MARCHF1: variants seen among roughly 807,000 people sequenced by gnomAD.
MARCHF1 encodes membrane associated ring-CH-type finger 1, also known as E3 ubiquitin-protein ligase MARCHF1.
MARCHF1 carries 40 observed loss-of-function variants against 54.2 expected under a neutral mutation model. That is an observed-to-expected ratio of 0.74 (90% CI 0.57 to 0.96). The LOEUF (loss-of-function observed/expected upper bound fraction) is 0.96, where lower values mean the gene tolerates loss of function less well. MARCHF1 is among the 40% of genes least tolerant of loss of function. The pLI is 0.00. For synonymous variants in MARCHF1, 236 were observed against 236.3 expected, an observed-to-expected ratio of 1.00 and a Z score of 0.01; for missense variants, 586 against 656.5, an observed-to-expected ratio of 0.89 and a Z score of 1.17.
intron 4 of MARCHF1, among the ~76,000 whole-genome samples, chr4:163,705,471 A>G (rs907672408): frequency 5.9e-5 from 9 of 151,964 alleles, no homozygotes; most frequent in African/African-American, 2.2e-4. Context: ...GTGTATCACT[A>G]AAATTCCCAA....
At chr4:163,674,201 C>T (rs953337518) in intron 5 of MARCHF1, among the ~76,000 whole-genome samples, 3 of 152,014 alleles carry the variant, frequency 2.0e-5, no homozygotes, top group African/African-American at 7.3e-5. Context: ...AAGCAAAATG[C>T]AAACAACAAG....
At chr4:164,268,520 T>C (rs1392241187) in intron 1 of MARCHF1, among the ~76,000 whole-genome samples, 1 of 152,142 alleles carries the variant, frequency 6.6e-6, no homozygotes, top group Non-Finnish European at 1.5e-5. Flanking sequence ...TCCTATAAGC[T>C]TGGGTTCTGT....
intron 3 of MARCHF1, among the ~76,000 whole-genome samples, chr4:163,925,053 T>C (rs1323578918): frequency 6.6e-6 from 1 of 151,734 alleles, no homozygotes; most frequent in Non-Finnish European, 1.5e-5. Flanking sequence ...TTTCCAATGG[T>C]TTTGAATTTG....
At chr4:163,674,047 G>A (rs1208110327) in intron 5 of MARCHF1, among the ~76,000 whole-genome samples, 1 of 152,100 alleles carries the variant, frequency 6.6e-6, no homozygotes, top group Non-Finnish European at 1.5e-5. Context: ...GTAGAAGGAG[G>A]CCCCTAGTGA....
chr4:163,706,585 A>G (rs1480141763), intron 4 of MARCHF1, among the ~76,000 whole-genome samples: 1 of 152,036 alleles, frequency 6.6e-6, no homozygotes, highest in East Asian at 1.9e-4. Flanking sequence ...AATATTACTG[A>G]GGAGTATAAA....
intron 4 of MARCHF1, among the ~76,000 whole-genome samples, chr4:163,813,996 G>T (rs1006470834): frequency 2.0e-5 from 3 of 152,144 alleles, no homozygotes; most frequent in Non-Finnish European, 4.4e-5. Context: ...AGAATCCAGG[G>T]CTCAGGTCAT....
At chr4:163,643,099 T>C (rs1349316150) in intron 5 of MARCHF1, among the ~76,000 whole-genome samples, 1 of 149,378 alleles carries the variant, frequency 6.7e-6, no homozygotes, top group Non-Finnish European at 1.5e-5. Flanking sequence ...GATCATTTCA[T>C]GTCAGGCATT....
intron 5 of MARCHF1, among the ~76,000 whole-genome samples, chr4:163,665,108 A>G (rs1412366672): frequency 6.6e-6 from 1 of 152,084 alleles, no homozygotes; most frequent in African/African-American, 2.4e-5. Flanking sequence ...ACTGGACACA[A>G]TGCTATGGCT....
intron 1 of MARCHF1, among the ~76,000 whole-genome samples, chr4:164,166,943 T>G (rs1187228604): frequency 1.3e-5 from 2 of 151,388 alleles, no homozygotes; most frequent in Non-Finnish European, 3.0e-5. Context: ...GAAAGATTTA[T>G]AAATCTTTAT....
At chr4:163,938,888 T>C (rs755459203) in intron 3 of MARCHF1, among the ~76,000 whole-genome samples, 1 of 151,968 alleles carries the variant, frequency 6.6e-6, no homozygotes, top group Admixed American at 6.6e-5. Context: ...GAGAACAGAA[T>C]AGGGGAAACC....
intron 1 of MARCHF1, among the ~76,000 whole-genome samples, chr4:164,302,349 T>A (rs919430784): frequency 4.6e-5 from 7 of 152,158 alleles, no homozygotes; most frequent in Non-Finnish European, 8.8e-5. Context: ...AAGTAAAATT[T>A]ATAAGTGGTA....
chr4:163,930,712 A>T (rs1269936759), intron 3 of MARCHF1, among the ~76,000 whole-genome samples: 1 of 152,068 alleles, frequency 6.6e-6, no homozygotes, highest in Non-Finnish European at 1.5e-5. Context: ...GTACATTGTC[A>T]AAGAGCGCTG....
At chr4:163,931,424 G>A (rs986750713) in intron 3 of MARCHF1, among the ~76,000 whole-genome samples, 1 of 152,044 alleles carries the variant, frequency 6.6e-6, no homozygotes, top group South Asian at 2.1e-4. Context: ...AGATCATGAG[G>A]GTAGAGCCCT....
chr4:164,108,943 G>A (rs1319936518), intron 2 of MARCHF1, among the ~76,000 whole-genome samples: 1 of 152,002 alleles, frequency 6.6e-6, no homozygotes, highest in Non-Finnish European at 1.5e-5. Context: ...ATAACCAGAG[G>A]AAATTAGTTC....
Position 164,025,367 on chromosome 4 carries a change from A to C in MARCHF1, c.-247-36658T>G, listed in dbSNP as rs180933807. Among the ~76,000 whole-genome samples, 700 of 152,222 alleles carry C rather than the reference A, an allele frequency of 4.6e-3. 5 individuals are homozygous for C. The highest frequency in any genetic ancestry group is 0.016 in the African/African-American group (665 of 41,560). On this transcript the variant is annotated intron_variant, in intron 2 of 9. Coordinates refer to ENST00000514618, the MANE Select transcript of MARCHF1 (RefSeq NM_001394959.1). ...AAAGCGAGGATCAATAAATTCAAAA[A>C]AACAAAATCATACCAACCACACTCT...
At chr4:163,544,013 C>G (rs181732494) in intron 9 of MARCHF1, among the ~76,000 whole-genome samples, 1 of 152,276 alleles carries the variant, frequency 6.6e-6, no homozygotes, top group Non-Finnish European at 1.5e-5. Context: ...GGTATCATGT[C>G]TGCCCTTGAT....
chr4:164,274,659 CTTTTTTTTTTTTTTTTTTT>C (rs70952617), intron 1 of MARCHF1, among the ~76,000 whole-genome samples: 3 of 44,644 alleles, frequency 6.7e-5, no homozygotes, highest in Non-Finnish European at 9.7e-5. Flanking sequence ...TCAGGGTACA[CTTTTTTTTTTTTTTTTTTT>C]TTTTTTTTTT....
At chr4:164,021,130 T>G (rs1330820150) in intron 2 of MARCHF1, among the ~76,000 whole-genome samples, 2 of 150,622 alleles carry the variant, frequency 1.3e-5, no homozygotes, top group African/African-American at 4.9e-5. Flanking sequence ...CTGACTTCTA[T>G]GGACCATATC....
chr4:164,032,844 C>T (rs965306744), intron 2 of MARCHF1, among the ~76,000 whole-genome samples: 5 of 151,962 alleles, frequency 3.3e-5, no homozygotes, highest in African/African-American at 1.2e-4. Flanking sequence ...CCTGCAAAGC[C>T]AAGACAATCC....
Sources: gnomAD v4.1 joint callset for allele counts (sites outside exome capture counted in the v4.1 genomes callset) on GRCh38, gnomAD v4.1.1 for gene constraint, MANE v1.5 for transcripts, NCBI Gene and HGNC (gene_info 2026-07-23, HGNC 2026-07-21) for gene names.